Variants in FBXL13 observed in about 807,000 individuals in gnomAD.
FBXL13 encodes F-box and leucine-rich repeat protein 13.
In FBXL13, 67 loss-of-function variants were observed where a neutral mutation model predicts 83.6. That is an observed-to-expected ratio of 0.80 (90% CI 0.66 to 0.98). The LOEUF is 0.98. FBXL13 is among the 50% of genes least tolerant of loss of function. FBXL13 has a pLI of 0.00. For missense variants in FBXL13, 822 were observed against 866.5 expected (o/e 0.95, Z 0.64); for synonymous variants, 272 against 299.5 (o/e 0.91, Z 0.95).
At chr7:102,873,306 G>A (rs1191626388) in intron 16 of FBXL13, among the ~76,000 whole-genome samples, 1 of 152,144 alleles carries the variant, frequency 6.6e-6, no homozygotes. Context: ...CTCCCTGACT[G>A]TGTAAGGGAC....
chr7:103,028,009 C>G (rs1162683279), intron 4 of FBXL13, among the ~76,000 whole-genome samples: 1 of 152,066 alleles, frequency 6.6e-6, no homozygotes, highest in Non-Finnish European at 1.5e-5. Context: ...GAGGTACCAA[C>G]CAAAGCCAGC....
chr7:102,878,274 T>C (rs1053311724), intron 15 of FBXL13, 57 bp downstream of exon 16: 2 of 1,440,968 alleles, frequency 1.4e-6, no homozygotes, highest in Admixed American at 4.7e-5. Flanking sequence ...GTCTCATGTC[T>C]CCTATTATCA....
intron 6 of FBXL13, chr7:102,976,036 T>C: frequency 1.3e-6 from 1 of 766,378 alleles, no homozygotes. Context: ...CCATGCCCCC[T>C]CTGCGGAGGA....
chr7:102,824,230 C>A (rs948291885), intron 18 of FBXL13, among the ~76,000 whole-genome samples: 1 of 152,118 alleles, frequency 6.6e-6, no homozygotes, highest in Non-Finnish European at 1.5e-5. Flanking sequence ...CCTCATTGGG[C>A]AGATTATGTT....
chr7:102,866,339 C>T (rs1357029794), intron 16 of FBXL13, among the ~76,000 whole-genome samples: 1 of 152,132 alleles, frequency 6.6e-6, no homozygotes, highest in African/African-American at 2.4e-5. Context: ...GGACCATAAC[C>T]TCTGTGAGAA....
chr7:102,940,291 G>A (rs12532495), intron 8 of FBXL13, among the ~76,000 whole-genome samples: 28,746 of 148,364 alleles, frequency 0.19, 2,926 homozygotes, highest in East Asian at 0.43. Context: ...CTCACTGCAA[G>A]CTCCGCCTCC....
At chr7:103,005,321 G>A (rs894554428) in intron 6 of FBXL13, among the ~76,000 whole-genome samples, 2 of 152,198 alleles carry the variant, frequency 1.3e-5, no homozygotes, top group African/African-American at 4.8e-5. Flanking sequence ...AAACAGGATT[G>A]AGGAAGGAGG....
chr7:103,033,720 C>G (rs1309546472), intron 2 of FBXL13, among the ~76,000 whole-genome samples: 1 of 152,104 alleles, frequency 6.6e-6, no homozygotes, highest in Admixed American at 6.5e-5. Flanking sequence ...AAAGAGTGAG[C>G]AGCAGCAAGA....
At chr7:102,933,451 C>T (rs1456605170) in intron 8 of FBXL13, 1 of 152,548 alleles carries the variant, frequency 6.6e-6, no homozygotes, top group Non-Finnish European at 1.5e-5. Flanking sequence ...GTGACTACTT[C>T]CCCCGGGGTG....
At chr7:103,067,735 G>A (rs78254296) in intron 1 of FBXL13, among the ~76,000 whole-genome samples, 1,677 of 152,264 alleles carry the variant, frequency 0.011, 35 homozygotes, top group African/African-American at 0.039. Flanking sequence ...AGTGCATGAG[G>A]GATCTCAAGC....
At chr7:102,942,195 T>C (rs1445038438) in intron 8 of FBXL13, 1 of 896,706 alleles carries the variant, frequency 1.1e-6, no homozygotes, top group Non-Finnish European at 1.7e-6. Flanking sequence ...AGCACTTTCC[T>C]AGAACAAAAG....
chr7:102,872,384 A>G (rs1439244583), intron 16 of FBXL13, among the ~76,000 whole-genome samples: 1 of 152,214 alleles, frequency 6.6e-6, no homozygotes, highest in African/African-American at 2.4e-5. Flanking sequence ...TTCAGTCTTC[A>G]TGGATCTGAT....
chr7:103,072,335 C>G (rs1799044897), intron 1 of FBXL13, among the ~76,000 whole-genome samples: 1 of 152,154 alleles, frequency 6.6e-6, no homozygotes, highest in Non-Finnish European at 1.5e-5. Flanking sequence ...CAGAGGATTG[C>G]TCCTTTGCAC....
chr7:102,862,527 G>C (rs1249817714), intron 16 of FBXL13, among the ~76,000 whole-genome samples: 2 of 151,870 alleles, frequency 1.3e-5, no homozygotes, highest in Non-Finnish European at 2.9e-5. Context: ...ATTTACACTA[G>C]GCTTTATTTC....
At chr7:102,822,295 A>G in intron 18 of FBXL13, 92 bp from the exon 20 acceptor site, 2 of 1,177,108 alleles carry the variant, frequency 1.7e-6, no homozygotes, top group Non-Finnish European at 2.5e-6. Context: ...ATAATAAACT[A>G]CCACAGACTG....
At chr7:103,071,702 T>TA (rs1253814401) in intron 1 of FBXL13, among the ~76,000 whole-genome samples, 5 of 152,002 alleles carry the variant, frequency 3.3e-5, no homozygotes, top group Non-Finnish European at 5.9e-5. Context: ...GCCTGATTTT[T>TA]AAAAAAATCA....
At chr7:103,051,556 A>G (rs1212628023) in intron 2 of FBXL13, among the ~76,000 whole-genome samples, 1 of 152,210 alleles carries the variant, frequency 6.6e-6, no homozygotes, top group African/African-American at 2.4e-5. Flanking sequence ...AGTTCACTCA[A>G]CGCTCCTGGG....
intron 8 of FBXL13, among the ~76,000 whole-genome samples, chr7:102,955,277 T>C (rs898743154): frequency 6.6e-6 from 1 of 151,900 alleles, no homozygotes; most frequent in African/African-American, 2.4e-5. Flanking sequence ...CTGAACAACT[T>C]GCTCCTGAAT....
intron 17 of FBXL13, among the ~76,000 whole-genome samples, chr7:102,837,729 G>C (rs992900894): frequency 2.0e-5 from 3 of 152,218 alleles, no homozygotes; most frequent in Middle Eastern, 3.4e-3. Flanking sequence ...TTTTTATAGA[G>C]ACAGGGTCTC....
Sources: allele counts gnomAD v4.1 joint callset (sites outside exome capture counted in the v4.1 genomes callset), GRCh38; gene constraint gnomAD v4.1.1; transcripts MANE v1.5; gene names NCBI Gene and HGNC (gene_info 2026-07-23, HGNC 2026-07-21).